The following NR3C1 variants were observed in gnomAD, a reference collection of about 807,000 sequenced individuals.
NR3C1 encodes the protein nuclear receptor subfamily 3 group C member 1.
Under a neutral mutation model 74.0 loss-of-function variants are expected in NR3C1, and 14 were observed. That is an observed-to-expected ratio of 0.19 (90% CI 0.12 to 0.30). NR3C1 has a LOEUF of 0.30. NR3C1 is among the 10% of genes least tolerant of loss of function. The pLI is 1.00. For missense variants in NR3C1, 695 were observed against 909.8 expected (o/e 0.76, Z 3.04); for synonymous variants, 308 against 332.5 (o/e 0.93, Z 0.80).
At chr5:143,422,789 C>T (rs969001912) in intron 1 of NR3C1, among the ~76,000 whole-genome samples, 8 of 152,170 alleles carry the variant, frequency 5.3e-5, no homozygotes, top group Non-Finnish European at 1.2e-4. Flanking sequence ...TCTGTTATAG[C>T]ATCCTGAACA....
intron 2 of NR3C1, among the ~76,000 whole-genome samples, chr5:143,344,810 T>C (rs1600141720): frequency 1.3e-5 from 2 of 151,634 alleles, no homozygotes; most frequent in Middle Eastern, 3.4e-3. Flanking sequence ...GAGGTGGAGG[T>C]TGTAGTGAGC....
intron 1 of NR3C1, among the ~76,000 whole-genome samples, chr5:143,426,843 C>T (rs1751554580): frequency 6.6e-6 from 1 of 152,218 alleles, no homozygotes; most frequent in Admixed American, 6.5e-5. Flanking sequence ...TGATGTGCTA[C>T]TGCAGCCTTT....
At chr5:143,314,482 CACAT>C (rs1185876358) in intron 2 of NR3C1, among the ~76,000 whole-genome samples, 1 of 147,900 alleles carries the variant, frequency 6.8e-6, no homozygotes, top group Non-Finnish European at 1.5e-5. Context: ...ATTAAGGTGT[CACAT>C]ACAGTAACAT....
chr5:143,416,444 T>C (rs1443622893), intron 1 of NR3C1, among the ~76,000 whole-genome samples: 1 of 151,780 alleles, frequency 6.6e-6, no homozygotes, highest in Non-Finnish European at 1.5e-5. Context: ...AGAGACTCCA[T>C]TGGATTGAGG....
chr5:143,339,841 G>C (rs768611049), intron 2 of NR3C1, among the ~76,000 whole-genome samples: 1 of 152,164 alleles, frequency 6.6e-6, no homozygotes. Context: ...TCATTCAGTT[G>C]AAGAACACAG....
intron 1 of NR3C1, among the ~76,000 whole-genome samples, chr5:143,421,026 A>G (rs1438543476): frequency 6.6e-6 from 1 of 152,014 alleles, no homozygotes; most frequent in Non-Finnish European, 1.5e-5. Flanking sequence ...TTCTTTTTTT[A>G]TGTGGTAATT....
intron 1 of NR3C1, among the ~76,000 whole-genome samples, chr5:143,401,858 C>T (rs1174400483): frequency 1.3e-5 from 2 of 152,224 alleles, no homozygotes; most frequent in African/African-American, 4.8e-5. Context: ...ATAATTTTCT[C>T]TGCCTTCACC....
intron 1 of NR3C1, among the ~76,000 whole-genome samples, chr5:143,432,984 A>G (rs1751908657): frequency 6.6e-6 from 1 of 152,176 alleles, no homozygotes; most frequent in Non-Finnish European, 1.5e-5. Context: ...ACGTCACCTA[A>G]AAGGACAAAT....
chr5:143,282,583 C>T lies in NR3C1; in HGVS notation c.2166G>A (p.Leu722=), dbSNP rs545931159. The T allele has an allele frequency of 1.2e-6, 2 of 1,613,838 alleles. No homozygotes were observed. The highest frequency in any genetic ancestry group is 1.7e-4 in the Middle Eastern group (1 of 6,058). Residue 722 remains leucine, a synonymous_variant, in exon 8 of 9, where the codon TTG becomes TTA. Transcript: ENST00000394464. ...TGACACTTACTTCATGCATAGAATC[C>T]AAGAGTTTTGTCAGTTGATAAAACC... The part of the protein sequence containing the change: ...WQRFYQLTKL[L]DSMHEVVENL...
chr5:143,323,808 G>T (rs1235720940), intron 2 of NR3C1, among the ~76,000 whole-genome samples: 1 of 152,122 alleles, frequency 6.6e-6, no homozygotes, highest in African/African-American at 2.4e-5. Context: ...GGGTGTCACA[G>T]GTTAAATACA....
chr5:143,282,608 C>A lies in NR3C1; in HGVS notation c.2141G>T (p.Arg714Leu), dbSNP rs759445158. Reference protein sequence around the residue: ...REGNSSQNWQRFYQLTKLLDS... With the variant: ...REGNSSQNWQLFYQLTKLLDS... ...CAAGAGTTTTGTCAGTTGATAAAAC[C>A]GCTGCCAGTTCTGGCTGGAGTTTCC... Residue 714 changes from arginine (R) to leucine (L), a missense_variant, in exon 8 of 9, where the codon CGG (arginine) becomes CTG (leucine). Transcript: ENST00000394464. 6.2e-7 allele frequency: 1 copy of A among 1,613,900 alleles called. No homozygotes were observed. Among genetic ancestry groups the A allele is most frequent in the Non-Finnish European group, 8.5e-7 (1 of 1,179,902 alleles).
At position 143,426,687 on chromosome 5, in the gene NR3C1, A is replaced by G. The variant is rs536348098; in HGVS notation, c.-14+7845T>C. On this transcript the variant is annotated intron_variant, in intron 1 of 8. Coordinates refer to the NR3C1 transcript ENST00000343796. ...ATCTGCTCAGCAAAGCTTCGCTTTG[A>G]AAAAACAATTTTTATTAAAACGTTA... Among the ~76,000 whole-genome samples the G allele has an allele frequency of 1.9e-4, 29 of 152,366 alleles. No homozygotes were observed. The South Asian group carries it at 5.0e-3, about 26-fold the overall frequency.
rs1364105957 is a variant in NR3C1 at position 143,399,988 on chromosome 5, G to T, written c.852C>A (p.Ile284=). 1 of 1,614,150 alleles carries T rather than the reference G, an allele frequency of 6.2e-7. No individual in the cohort carries two copies. Among genetic ancestry groups the T allele is most frequent in the South Asian group, 1.1e-5 (1 of 91,074 alleles). Residue 284 remains isoleucine (I), a synonymous_variant, in exon 2 of 9, where the codon ATC becomes ATA. Transcript: ENST00000394464. ...TAATTACCCCAGGGGTGCAGAGTTCGATGAAATCTTCTTTTTCTGTTTTCA... is the reference window on the plus strand; with the variant it reads ...TAATTACCCCAGGGGTGCAGAGTTCTATGAAATCTTCTTTTTCTGTTTTCA... ...PQVKTEKEDF[I]ELCTPGVIKQ...
At chr5:143,418,838 T>G (rs978163444) in intron 1 of NR3C1, among the ~76,000 whole-genome samples, 1 of 152,188 alleles carries the variant, frequency 6.6e-6, no homozygotes, top group African/African-American at 2.4e-5. Flanking sequence ...GAATCCAGAC[T>G]CTGACACTCC....
intron 2 of NR3C1, among the ~76,000 whole-genome samples, chr5:143,324,739 C>T (rs1824192595): frequency 6.6e-6 from 1 of 152,212 alleles, no homozygotes; most frequent in Non-Finnish European, 1.5e-5. Context: ...CCTTTTAAAA[C>T]AGAATGCTTT....
chr5:143,388,801 A>G (rs1044552148), intron 2 of NR3C1, among the ~76,000 whole-genome samples: 1 of 152,218 alleles, frequency 6.6e-6, no homozygotes, highest in Non-Finnish European at 1.5e-5. Flanking sequence ...ACTAGAAGAA[A>G]AAAATATCTT....
intron 7 of NR3C1, among the ~76,000 whole-genome samples, chr5:143,284,982 GAGGTA>G: frequency 6.6e-6 from 1 of 150,462 alleles, no homozygotes; most frequent in African/African-American, 2.5e-5. Flanking sequence ...GGAAACGAAG[GAGGTA>G]CACAAAGAAA....
At chr5:143,387,408 T>G (rs533148475) in intron 2 of NR3C1, among the ~76,000 whole-genome samples, 1 of 152,360 alleles carries the variant, frequency 6.6e-6, no homozygotes, top group East Asian at 1.9e-4. Flanking sequence ...AGAACAATAA[T>G]CACTCATATA....
chr5:143,423,486 C>T (rs1382985272), intron 1 of NR3C1, among the ~76,000 whole-genome samples: 1 of 152,174 alleles, frequency 6.6e-6, no homozygotes, highest in African/African-American at 2.4e-5. Context: ...AAGGGGAACC[C>T]TCATACACTG....
Sources: gnomAD v4.1 joint callset for allele counts (sites outside exome capture counted in the v4.1 genomes callset) on GRCh38, gnomAD v4.1.1 for gene constraint, MANE v1.5 for transcripts, NCBI Gene and HGNC (gene_info 2026-07-23, HGNC 2026-07-21) for gene names.